The following HPSE variants were observed in gnomAD, a reference collection of about 807,000 sequenced individuals.
The protein encoded by HPSE is endo-glucoronidase.
Under a neutral mutation model 65.1 loss-of-function variants are expected in HPSE, and 48 were observed. The ratio of observed to expected loss-of-function variants is 0.74; its 90% confidence interval spans 0.58 to 0.94. The LOEUF is 0.94. Among genes scored for constraint, HPSE ranks in the 40% least tolerant of loss-of-function variants. HPSE has a pLI of 0.00. For missense variants in HPSE, 644 were observed against 637.5 expected, an observed-to-expected ratio of 1.01 and a Z score of -0.11; for synonymous variants, 243 against 260.0, an observed-to-expected ratio of 0.93 and a Z score of 0.63.
At chr4:83,321,987 C>CTT (rs36002405) in intron 2 of HPSE, among the ~76,000 whole-genome samples, 27,594 of 91,826 alleles carry the variant, frequency 0.3, 6,724 homozygotes, top group Middle Eastern at 0.45. Flanking sequence ...TCCAGGACGC[C>CTT]TTTTTTTTTT....
intron 1 of HPSE, among the ~76,000 whole-genome samples, chr4:83,323,676 G>T (rs1238173279): frequency 6.6e-6 from 1 of 151,986 alleles, no homozygotes; most frequent in Non-Finnish European, 1.5e-5. Flanking sequence ...TTGTATTTAA[G>T]TCAAATGACT....
chr4:83,295,151 A>T lies in HPSE; in HGVS notation c.*193T>A, dbSNP rs139515004. The T allele has an allele frequency of 3.6e-5, 13 of 365,926 alleles. No individual in the cohort carries two copies. In the East Asian group the frequency reaches 5.3e-4, roughly 15 times the overall value. The allele number at this position is 365,926 out of a possible 1,614,324, so 22.7% of individuals were successfully genotyped here. On this transcript the variant is annotated 3_prime_UTR_variant, in exon 12 of 12. Transcript: ENST00000311412. The stretch of plus-strand genomic sequence containing the variant: ...GCAGTATTTGGAACAAGGTATTATT[A>T]GCTATTATTATTAGCAGTGTTCTAC...
chr4:83,335,083 G>A (rs533893194), upstream of HPSE: 21 of 342,610 alleles, frequency 6.1e-5, no homozygotes, highest in African/African-American at 4.0e-4. Context: ...GTGCGGAGAT[G>A]GCCGGGATCC....
In HPSE at chr4:83,292,623, T is replaced by C. The variant is rs948557940; in HGVS notation, c.*2721A>G. On this transcript the variant is annotated 3_prime_UTR_variant, in exon 12 of 12. Coordinates refer to ENST00000311412, the MANE Select transcript of HPSE (RefSeq NM_001098540.3). ...TGAATGGAATTAACCTAAGTGTCCA[T>C]CAACTGATAAGTGGATAAAGAAAAT... The C allele has an allele frequency of 7.9e-5, 12 of 152,212 alleles. No homozygotes were observed. The highest frequency in any genetic ancestry group is 2.9e-4 in the African/African-American group (12 of 41,452). 9.4% of individuals were successfully genotyped at this position (152,212 alleles called of 1,614,324 possible).
intron 3 of HPSE, among the ~76,000 whole-genome samples, chr4:83,315,949 CT>C (rs1237237249): frequency 6.6e-6 from 1 of 152,196 alleles, no homozygotes; most frequent in Non-Finnish European, 1.5e-5. Context: ...TATACACCCC[CT>C]ATAACATAAT....
rs115192063 is a variant in HPSE at position 83,314,131 on chromosome 4, T to C, written c.500-844A>G. Among the ~76,000 whole-genome samples the C allele has an allele frequency of 2.7e-3, 403 of 151,778 alleles. 2 individuals are homozygous for C. The highest frequency in any genetic ancestry group is 9.4e-3 in the African/African-American group (391 of 41,382). ...AGCCGGGCATGATGGTAAGCACCTGTAGTCCCAGCTAGCTACTTGGGAGGC... is the reference window on the plus strand; with the variant it reads ...AGCCGGGCATGATGGTAAGCACCTGCAGTCCCAGCTAGCTACTTGGGAGGC... On this transcript the variant is annotated intron_variant, in intron 3 of 11. Coordinates refer to ENST00000311412, the MANE Select transcript of HPSE (RefSeq NM_001098540.3).
upstream of HPSE, chr4:83,334,894 G>A: frequency 1.4e-6 from 2 of 1,420,758 alleles, no homozygotes; most frequent in South Asian, 1.5e-5. Flanking sequence ...CCTCCGCCCC[G>A]TTACGCCTCC....
chr4:83,311,832 T>A (rs79111975), intron 4 of HPSE, among the ~76,000 whole-genome samples: 18,397 of 151,070 alleles, frequency 0.12, 1,432 homozygotes, highest in Admixed American at 0.17. Flanking sequence ...CTTGTGCTTA[T>A]CCTATTACTA....
In HPSE at chr4:83,313,196, C is replaced by G. The variant is rs1174969257; in HGVS notation, c.591G>C (p.Leu197Phe). ...GLNALLRTAD[L>F]QWNSSNAQLL... is the part of the protein sequence containing the mutation. Reference sequence around the variant, plus strand: ...ACTGAGCATTAGAACTGTTCCACTGCAAATCTGCTGTTCTTAATAACGCAT... The same window carrying G: ...ACTGAGCATTAGAACTGTTCCACTGGAAATCTGCTGTTCTTAATAACGCAT... Residue 197 changes from leucine (L) to phenylalanine (F), a missense_variant, in exon 4 of 12, where the codon TTG becomes TTC. By Grantham distance (22) the Leu-to-Phe change is conservative. Coordinates refer to ENST00000311412, the MANE Select transcript of HPSE (RefSeq NM_001098540.3). 4 of 1,613,770 alleles carry G rather than the reference C, an allele frequency of 2.5e-6. No individual in the cohort carries two copies. The East Asian group carries it at 8.9e-5, about 36-fold the overall frequency.
chr4:83,318,053 A>G (rs1736722855), intron 3 of HPSE, among the ~76,000 whole-genome samples: 1 of 152,212 alleles, frequency 6.6e-6, no homozygotes, highest in African/African-American at 2.4e-5. Flanking sequence ...TGTACCATAT[A>G]CATAAAAAAT....
intron 1 of HPSE, among the ~76,000 whole-genome samples, chr4:83,333,305 A>G (rs143754533): frequency 8.7e-4 from 133 of 152,328 alleles, no homozygotes; most frequent in East Asian, 1.5e-3. Flanking sequence ...ATTCCATTCT[A>G]CAGCTGAAGA....
At chr4:83,298,879 C>T (rs573994205) in intron 11 of HPSE, among the ~76,000 whole-genome samples, 1 of 152,176 alleles carries the variant, frequency 6.6e-6, no homozygotes, top group South Asian at 2.1e-4. Context: ...TGTTGTTTAA[C>T]TCTCCGAGGT....
At chr4:83,316,586 T>G (rs1736652783) in intron 3 of HPSE, among the ~76,000 whole-genome samples, 1 of 152,066 alleles carries the variant, frequency 6.6e-6, no homozygotes, top group Non-Finnish European at 1.5e-5. Context: ...TGGGCCTGGG[T>G]GTAGGCAACG....
At position 83,326,056 on chromosome 4, in the gene HPSE, T is replaced by C. The variant is rs556446388; in HGVS notation, c.228-3692A>G. Among the ~76,000 whole-genome samples the C allele has an allele frequency of 6.6e-6, 1 of 152,060 alleles. No individual in the cohort carries two copies. Among genetic ancestry groups the C allele is most frequent in the Non-Finnish European group, 1.5e-5 (1 of 67,978 alleles). ...TTTATATGAGGGCAACGGTGAGCCA[T>C]GGAAGGATCTGAAGCAGCTGGAGTG... On this transcript the variant is annotated intron_variant, in intron 1 of 11. Coordinates refer to ENST00000311412, the MANE Select transcript of HPSE (RefSeq NM_001098540.3). This position sits in a 1 kb window ranked among gnomAD's most constrained non-coding sequence, Gnocchi z 4.2.
At chr4:83,322,126 T>C (rs1736918444) in intron 2 of HPSE, 93 bp downstream of exon 2, 1 of 1,040,010 alleles carries the variant, frequency 9.6e-7, no homozygotes, top group African/African-American at 1.6e-5. Context: ...ATCTCATTAA[T>C]TGTTAGGTGT....
intron 4 of HPSE, among the ~76,000 whole-genome samples, chr4:83,311,647 C>T (rs1425236705): frequency 6.6e-6 from 1 of 151,822 alleles, no homozygotes; most frequent in East Asian, 1.9e-4. Flanking sequence ...AAAAAATTGG[C>T]TAGGCATAGT....
chr4:83,322,140 A>G, intron 2 of HPSE, 79 bp downstream of exon 2: 1 of 1,233,850 alleles, frequency 8.1e-7, no homozygotes, highest in Non-Finnish European at 1.2e-6. Context: ...TAGGTGTGAG[A>G]AATAACAGTT....
chr4:83,307,434 C>T (rs1249251658), intron 8 of HPSE, among the ~76,000 whole-genome samples: 2 of 150,764 alleles, frequency 1.3e-5, no homozygotes, highest in Non-Finnish European at 3.0e-5. Context: ...GCAGCAGAAT[C>T]CCTCCCTTTA....
chr4:83,325,154 TG>T (rs1737097617), intron 1 of HPSE, among the ~76,000 whole-genome samples: 1 of 141,668 alleles, frequency 7.1e-6, no homozygotes, highest in African/African-American at 3.1e-5. Context: ...TGTGTGTGTG[TG>T]TGTGTGTGTG....
Sources: gnomAD v4.1 joint callset for allele counts (sites outside exome capture counted in the v4.1 genomes callset) on GRCh38, gnomAD v4.1.1 for gene constraint, Gnocchi (gnomAD v3.1) non-coding constraint, MANE v1.5 for transcripts, NCBI Gene and HGNC (gene_info 2026-07-23, HGNC 2026-07-21) for gene names.